Variants in DOCK10 observed in about 807,000 individuals in gnomAD.
DOCK10 encodes dedicator of cytokinesis 10, also known as dedicator of cytokinesis protein 10.
A neutral mutation model predicts 280.1 loss-of-function variants in DOCK10; 145 were observed. The ratio of observed to expected loss-of-function variants is 0.52; its 90% confidence interval spans 0.45 to 0.59. The LOEUF (loss-of-function observed/expected upper bound fraction) is 0.59. Among genes scored for constraint, DOCK10 ranks in the 20% least tolerant of loss-of-function variants. The probability of loss-of-function intolerance (pLI) is 0.00; values close to 1 mark genes in which losing one functional copy is unlikely to be tolerated. For missense variants in DOCK10, 2,368 were observed against 2,651.7 expected (o/e 0.89, Z 2.35); for synonymous variants, 915 against 942.2 (o/e 0.97, Z 0.53).
At chr2:225,041,139 A>C (rs1335422170) in intron 1 of DOCK10, among the ~76,000 whole-genome samples, 1 of 152,110 alleles carries the variant, frequency 6.6e-6, no homozygotes, top group Non-Finnish European at 1.5e-5. Context: ...CTGGCTTTAG[A>C]GAATAGTCCT....
At position 224,864,534 on chromosome 2, in the gene DOCK10, T is replaced by G. The variant is rs773741237; in HGVS notation, c.1602+19A>C. 1.6e-5 allele frequency: 25 copies of G among 1,543,946 alleles called. No individual in the cohort carries two copies. In the Admixed American group the frequency reaches 1.9e-4, roughly 11 times the overall value. ...AAAAAAAAAAAGGAAGTGAAGTTATTTATAAGATTATACATTACCTTGTTG... is the reference window on the plus strand; with the variant it reads ...AAAAAAAAAAAGGAAGTGAAGTTATGTATAAGATTATACATTACCTTGTTG... On this transcript the variant is annotated intron_variant, in intron 13 of 55. Coordinates refer to ENST00000258390, the MANE Select transcript of DOCK10 (RefSeq NM_014689.3).
chr2:224,770,261 A>G lies in DOCK10; in HGVS notation c.6394T>C (p.Ser2132Pro). ...DQLEYQEELR[S>P]HYKDMLSELS... The stretch of plus-strand genomic sequence containing the variant: ...TCGCTGAGCATGTCCTTGTAGTGGG[A>G]CCTCAGTTCTTCCTGGTACTCCAGC... The change falls in exon 55 of 56, where the codon TCC becomes CCC. Residue 2132 changes from serine (S) to proline (P), a missense_variant. This residue lies in a region of DOCK10 where 1,159 missense variants were observed against 1,400.8 expected (regional missense o/e 0.83). Coordinates refer to ENST00000258390, the MANE Select transcript of DOCK10 (RefSeq NM_014689.3). The surrounding 1 kb of genome is among the most constrained non-coding windows in gnomAD (Gnocchi z 4.5). 1 of 1,604,532 alleles carries G rather than the reference A, an allele frequency of 6.2e-7. No homozygotes were observed. The highest frequency in any genetic ancestry group is 1.3e-5 in the African/African-American group (1 of 74,864).
chr2:224,912,290 T>C (rs891260120), intron 3 of DOCK10, among the ~76,000 whole-genome samples: 3 of 152,040 alleles, frequency 2.0e-5, no homozygotes, highest in African/African-American at 7.2e-5. Flanking sequence ...CATGTGCCAC[T>C]ACTCCCGGGT....
At chr2:224,911,671 A>G (rs1701019209) in intron 3 of DOCK10, among the ~76,000 whole-genome samples, 1 of 152,198 alleles carries the variant, frequency 6.6e-6, no homozygotes, top group African/African-American at 2.4e-5. Flanking sequence ...AGGCTCTGAA[A>G]GCCTTGGGTT....
chr2:224,951,181 G>A (rs1207201785), intron 1 of DOCK10, among the ~76,000 whole-genome samples: 1 of 152,144 alleles, frequency 6.6e-6, no homozygotes, highest in Non-Finnish European at 1.5e-5. Context: ...AGAGCAATTA[G>A]TTTATAGCTT....
At chr2:224,991,412 C>A (rs1024018327) in intron 1 of DOCK10, among the ~76,000 whole-genome samples, 1 of 152,160 alleles carries the variant, frequency 6.6e-6, no homozygotes, top group African/African-American at 2.4e-5. Context: ...GCACATAGTA[C>A]AAAACACTGG....
intron 1 of DOCK10, among the ~76,000 whole-genome samples, chr2:224,979,392 C>T (rs1025304913): frequency 2.6e-5 from 4 of 152,350 alleles, no homozygotes; most frequent in African/African-American, 7.2e-5. Context: ...GACATTCTGG[C>T]TCCATGGCCC....
intron 7 of DOCK10, among the ~76,000 whole-genome samples, chr2:224,879,528 C>T (rs577027486): frequency 2.6e-5 from 4 of 152,266 alleles, no homozygotes; most frequent in Admixed American, 6.5e-5. Context: ...GAGGCCAAGG[C>T]GGGCAGCTCA....
rs114848379 is a variant in DOCK10, at chr2:225,005,457, C to T, written c.123+36795G>A. On this transcript the variant is annotated intron_variant, in intron 1 of 55. Coordinates refer to ENST00000258390, the MANE Select transcript of DOCK10 (RefSeq NM_014689.3). ...ATGTCAGTTATTCATGTCCCACCATCTTGATTTTTGCCAAATCATAGTATT... is the reference window on the plus strand; with the variant it reads ...ATGTCAGTTATTCATGTCCCACCATTTTGATTTTTGCCAAATCATAGTATT... Among the ~76,000 whole-genome samples the T allele has an allele frequency of 1.8e-3, 269 of 152,348 alleles. 1 individual carries two copies. Among genetic ancestry groups the T allele is most frequent in the African/African-American group, 6.3e-3 (263 of 41,588 alleles).
intron 47 of DOCK10, 108 bp from the exon 48 acceptor site, chr2:224,789,278 A>T (rs1009811389): frequency 1.5e-6 from 1 of 663,460 alleles, no homozygotes. Flanking sequence ...TACAAAGCTC[A>T]CACAATCAAC....
chr2:224,796,516 T>C (rs1692588152), intron 43 of DOCK10, 90 bp from the exon 44 acceptor site: 1 of 764,964 alleles, frequency 1.3e-6, no homozygotes, highest in Non-Finnish European at 2.2e-6. Flanking sequence ...GTATTATTAG[T>C]TTCTCCCTGT....
chr2:225,035,492 G>A (rs1308180961), intron 1 of DOCK10, among the ~76,000 whole-genome samples: 2 of 127,228 alleles, frequency 1.6e-5, no homozygotes, highest in African/African-American at 2.9e-5. Context: ...AATCCCTAAG[G>A]GTTTCACTCA....
chr2:224,916,295 C>T (rs1701308078), intron 3 of DOCK10, among the ~76,000 whole-genome samples: 1 of 152,234 alleles, frequency 6.6e-6, no homozygotes, highest in African/African-American at 2.4e-5. Context: ...AATCCCAGCA[C>T]TTCAGGAAGC....
intron 31 of DOCK10, among the ~76,000 whole-genome samples, chr2:224,813,980 C>A (rs1390666034): frequency 2.0e-5 from 3 of 152,150 alleles, no homozygotes; most frequent in Non-Finnish European, 4.4e-5. Flanking sequence ...TGTGGTTTAG[C>A]AAAAGACATA....
At position 224,874,410 on chromosome 2, in the gene DOCK10, TC is replaced by T. The variant is rs1698499299; in HGVS notation, c.1018-62del. ...ATATCCAGATACAGCCCCTGACACA[TC>T]CACATGGCCAAGAAGCAGCCCCTTA... is the stretch of plus-strand genomic sequence containing the variant. On this transcript the variant is annotated intron_variant, in intron 9 of 55. Coordinates refer to ENST00000258390, the MANE Select transcript of DOCK10 (RefSeq NM_014689.3). 4 of 1,315,678 alleles carry T rather than the reference TC, an allele frequency of 3.0e-6. No homozygotes were observed. The Admixed American group carries it at 7.9e-5, about 26-fold the overall frequency. The allele number at this position is 1,315,678 out of a possible 1,614,324, so 81.5% of individuals were successfully genotyped here. A position where few individuals can be genotyped will look rare whatever the true frequency, so the allele number is the denominator to read the frequency against.
At chr2:224,974,854 G>A (rs367763894) in intron 1 of DOCK10, among the ~76,000 whole-genome samples, 6 of 74,710 alleles carry the variant, frequency 8.0e-5, no homozygotes, top group Admixed American at 5.8e-4. Context: ...ATACACACAC[G>A]TATATATGAG....
At chr2:224,988,518 GT>G (rs2126266438) in intron 1 of DOCK10, among the ~76,000 whole-genome samples, 1 of 152,322 alleles carries the variant, frequency 6.6e-6, no homozygotes, top group East Asian at 1.9e-4. Flanking sequence ...CTGTTTTACT[GT>G]TGAGGAAACT....
chr2:225,029,677 A>C (rs746462592), intron 1 of DOCK10, among the ~76,000 whole-genome samples: 1 of 152,234 alleles, frequency 6.6e-6, no homozygotes, highest in Non-Finnish European at 1.5e-5. Context: ...AATATTCAAC[A>C]TTAGCTCAAA....
At chr2:224,887,445 C>T (rs1699376929) in intron 4 of DOCK10, among the ~76,000 whole-genome samples, 1 of 151,548 alleles carries the variant, frequency 6.6e-6, no homozygotes. Flanking sequence ...CATCTCCGAC[C>T]AGCTCAGAGA....
Sources: gnomAD v4.1 joint callset for allele counts (sites outside exome capture counted in the v4.1 genomes callset) on GRCh38, gnomAD v4.1.1 for gene constraint, gnomAD v4.1.1 regional missense constraint, Gnocchi (gnomAD v3.1) non-coding constraint, MANE v1.5 for transcripts, NCBI Gene and HGNC (gene_info 2026-07-23, HGNC 2026-07-21) for gene names.